CFHR3: variants seen among roughly 807,000 people sequenced by gnomAD.
CFHR3 encodes the protein complement factor H-related protein 3.
CFHR3 carries 22 observed loss-of-function variants against 36.0 expected under a neutral mutation model. The observed-to-expected ratio is 0.61, with a 90% CI of 0.44 to 0.87. The LOEUF (loss-of-function observed/expected upper bound fraction) is 0.87, where lower values mean the gene tolerates loss of function less well. CFHR3 is among the 40% of genes least tolerant of loss of function. The probability of loss-of-function intolerance (pLI) is 0.00; values close to 1 mark genes in which losing one functional copy is unlikely to be tolerated. For synonymous variants in CFHR3, 97 were observed against 137.4 expected (o/e 0.71, Z 2.06); for missense variants, 276 against 401.3 (o/e 0.69, Z 2.67).
intron 4 of CFHR3, chr1:196,789,161 C>A: frequency 1.0e-6 from 1 of 964,338 alleles, no homozygotes; most frequent in Non-Finnish European, 1.3e-6. Context: ...ATTTTTAACC[C>A]AAATACTGTT....
rs1188436765 is a variant in CFHR3, at chr1:196,785,436, T to G, written c.431-2780T>G. 2.2e-5 allele frequency among the ~76,000 whole-genome samples: 3 copies of G among 134,744 alleles called. 1 individual carries two copies. The highest frequency in any genetic ancestry group is 4.7e-5 in the Non-Finnish European group (3 of 64,172). 88.4% of individuals were successfully genotyped at this position (134,744 alleles called of 152,430 possible). On this transcript the variant is annotated intron_variant, in intron 3 of 5. Transcript: ENST00000367425. ...TTCCATTCTCCCCGTCACTTTCAGG[T>G]ACACCAATCAGATGTAGATTTGGTC...
chr1:196,781,155 A>T (rs1254211200), intron 3 of CFHR3, among the ~76,000 whole-genome samples: 1 of 134,646 alleles, frequency 7.4e-6, no homozygotes, highest in Non-Finnish European at 1.6e-5. Context: ...GGCTGCATAG[A>T]ATTCCATGGT....
In CFHR3 at chr1:196,793,514, G is replaced by C. The variant is rs148323895; in HGVS notation, c.*1G>C. 2.9e-4 allele frequency: 445 copies of C among 1,521,588 alleles called. 113 individuals carry two copies. In the African/African-American group the frequency reaches 6.8e-3, roughly 23 times the overall value. The allele number at this position is 1,521,588 out of a possible 1,614,324, so 94.3% of individuals were successfully genotyped here. Reference sequence around the variant, plus strand: ...AGTGGAATACCCCAGATGCGAATAAGGCAGCATTGTTACCCTAAATGTATG... The same window carrying C: ...AGTGGAATACCCCAGATGCGAATAACGCAGCATTGTTACCCTAAATGTATG... On this transcript the variant is annotated 3_prime_UTR_variant, in exon 6 of 6. Transcript: ENST00000367425.
chr1:196,791,409 C>T (rs142050510), intron 5 of CFHR3, among the ~76,000 whole-genome samples: 1,392 of 134,796 alleles, frequency 0.01, 365 homozygotes, highest in African/African-American at 0.042. Context: ...AGCCCTGGGA[C>T]ACCCATCAGT....
At chr1:196,789,641 A>C in intron 4 of CFHR3, 2 of 1,425,278 alleles carry the variant, frequency 1.4e-6, no homozygotes, top group Non-Finnish European at 1.9e-6. Context: ...AAAGCGGTTT[A>C]AGCTCCGTGA....
At position 196,795,139 on chromosome 1, in the gene CFHR3, C is replaced by G. The variant is rs989595662; in HGVS notation, c.*1626C>G. On this transcript the variant is annotated 3_prime_UTR_variant, in exon 6 of 6. Coordinates refer to ENST00000367425, the MANE Select transcript of CFHR3 (RefSeq NM_021023.6). ...TGGCTGTGTCCCACCCAATTTTCAC[C>G]TTGAATTATATAATCACCATGCATC... The G allele has an allele frequency of 2.5e-4, 34 of 137,096 alleles. 10 individuals carry two copies. The highest frequency in any genetic ancestry group is 8.5e-4 in the African/African-American group (28 of 32,930). 8.5% of individuals were successfully genotyped at this position (137,096 alleles called of 1,614,324 possible). A position where few individuals can be genotyped will look rare whatever the true frequency, so the allele number is the denominator to read the frequency against.
intron 1 of CFHR3, among the ~76,000 whole-genome samples, chr1:196,776,990 A>T (rs1391542795): frequency 7.4e-6 from 1 of 135,280 alleles, no homozygotes; most frequent in Non-Finnish European, 1.6e-5. Context: ...AGAATCTAGT[A>T]AATCGAATCA....
rs400642 is a variant in CFHR3, at chr1:196,788,128, C to T, written c.431-88C>T. 338,837 of 828,972 alleles carry T rather than the reference C, an allele frequency of 0.41. 99,944 individuals carry two copies. The highest frequency in any genetic ancestry group is 0.93 in the East Asian group (30,916 of 33,232). The allele number at this position is 828,972 out of a possible 1,614,324, so 51.4% of individuals were successfully genotyped here. On this transcript the variant is annotated intron_variant, in intron 3 of 5. Transcript: ENST00000367425. ...TTCATTAACAAATGTTTCATTGTTT[C>T]GCCATATTGCCATGTTTTTACTTGT...
intron 4 of CFHR3, 36 bp from the exon 5 acceptor site, chr1:196,790,009 T>C (rs2124863061): frequency 2.4e-6 from 3 of 1,252,698 alleles, no homozygotes; most frequent in Non-Finnish European, 3.2e-6. Context: ...AATAAGACTA[T>C]TGATTTTTCC....
chr1:196,782,919 G>A (rs1190895065), intron 3 of CFHR3, among the ~76,000 whole-genome samples: 2 of 137,240 alleles, frequency 1.5e-5, no homozygotes, highest in East Asian at 3.9e-4. Flanking sequence ...TGCCCATTCA[G>A]TATGATATTG....
Position 196,784,261 on chromosome 1 carries a change from G to GA in CFHR3, c.431-3948dup, listed in dbSNP as rs1255770040. ...TTTGGAATTGGTGTGGTGTGGTGCT[G>GA]AAAAAAATGTATATTCTGTCGATTT... On this transcript the variant is annotated intron_variant, in intron 3 of 5. Transcript: ENST00000367425. Among the ~76,000 whole-genome samples the GA allele has an allele frequency of 2.9e-5, 4 of 136,412 alleles. 1 individual carries two copies. Among genetic ancestry groups the GA allele is most frequent in the African/African-American group, 9.2e-5 (3 of 32,474 alleles). The allele number at this position is 136,412 out of a possible 152,430, so 89.5% of individuals were successfully genotyped here.
In CFHR3 at chr1:196,793,338, AAAACATG is replaced by A; in HGVS notation, c.821_827del (p.Asn274IlefsTer5). On this transcript the variant is annotated frameshift_variant, in exon 6 of 6. Coordinates refer to ENST00000367425, the MANE Select transcript of CFHR3 (RefSeq NM_021023.6). LOFTEE classifies it low-confidence loss of function (END_TRUNC). Reference sequence around the variant, plus strand: ...TCAGATCCATGTATAATAACTGAAGAAAACATGAATAAAAATAACATAAAGTTAAAAG... The same window carrying A: ...TCAGATCCATGTATAATAACTGAAGAAATAAAAATAACATAAAGTTAAAAG... 1 of 1,516,210 alleles carries A rather than the reference AAAACATG, an allele frequency of 6.6e-7. No individual in the cohort carries two copies. Among genetic ancestry groups the A allele is most frequent in the South Asian group, 1.2e-5 (1 of 80,112 alleles). 93.9% of individuals were successfully genotyped at this position (1,516,210 alleles called of 1,614,324 possible).
At position 196,781,588 on chromosome 1, in the gene CFHR3, C is replaced by A. The variant is rs1480171400; in HGVS notation, c.430+1615C>A. On this transcript the variant is annotated intron_variant, in intron 3 of 5. Coordinates refer to ENST00000367425, the MANE Select transcript of CFHR3 (RefSeq NM_021023.6). ...CATTTTTTCATGTGTTTTTTGGCTGCGTAAATGTCTTCTTTTGAGAAGCAT... is the reference window on the plus strand; with the variant it reads ...CATTTTTTCATGTGTTTTTTGGCTGAGTAAATGTCTTCTTTTGAGAAGCAT... 2.9e-5 allele frequency among the ~76,000 whole-genome samples: 4 copies of A among 136,974 alleles called. 1 individual carries two copies. The highest frequency in any genetic ancestry group is 1.2e-4 in the African/African-American group (4 of 32,666). The allele number at this position is 136,974 out of a possible 152,430, so 89.9% of individuals were successfully genotyped here.
At chr1:196,780,651 T>C (rs1442624547) in intron 3 of CFHR3, among the ~76,000 whole-genome samples, 1 of 136,682 alleles carries the variant, frequency 7.3e-6, no homozygotes, top group Admixed American at 7.0e-5. Context: ...ATTCTGAAGG[T>C]AAAATCTCTT....
In CFHR3 at chr1:196,790,738, TAATAAATAAATAAATA is replaced by T. The variant is rs199831934; in HGVS notation, c.796+542_796+557del. ...GACCCCATCTCCAAAAATAAAAAAA[TAATAAATAAATAAATA>T]AATAAATAAATAAATAAATAAATAA... On this transcript the variant is annotated intron_variant, in intron 5 of 5. Coordinates refer to ENST00000367425, the MANE Select transcript of CFHR3 (RefSeq NM_021023.6). Among the ~76,000 whole-genome samples, 195 of 106,242 alleles carry T rather than the reference TAATAAATAAATAAATA, an allele frequency of 1.8e-3. 19 individuals are homozygous for T. The highest frequency in any genetic ancestry group is 5.4e-3 in the Middle Eastern group (1 of 184). The allele number at this position is 106,242 out of a possible 152,430, so 69.7% of individuals were successfully genotyped here.
intron 4 of CFHR3, chr1:196,788,698 A>T (rs1370837317): frequency 6.9e-7 from 1 of 1,455,406 alleles, no homozygotes; most frequent in East Asian, 2.5e-5. Flanking sequence ...TTAGTTGCCA[A>T]TAAAAACTTT....
chr1:196,776,319 T>C (rs374268097), intron 1 of CFHR3, among the ~76,000 whole-genome samples: 1 of 137,334 alleles, frequency 7.3e-6, no homozygotes, highest in East Asian at 2.0e-4. Context: ...GTTGCACCTA[T>C]ATTTCTCAAA....
chr1:196,783,394 G>C (rs1360822414), intron 3 of CFHR3, among the ~76,000 whole-genome samples: 1 of 132,630 alleles, frequency 7.5e-6, no homozygotes, highest in Non-Finnish European at 1.6e-5. Context: ...GTTGCTCCTT[G>C]TACCTCTGGT....
rs755940131 is a variant in CFHR3 at position 196,777,876 on chromosome 1, A to G, written c.59-1286A>G. ...GCGGCACACACCTGCAATCCCAGCT[A>G]CTCAGGAGACTGAGGCAGGAGAATA... On this transcript the variant is annotated intron_variant, in intron 1 of 5. Transcript: ENST00000367425. Among the ~76,000 whole-genome samples, 114 of 129,650 alleles carry G rather than the reference A, an allele frequency of 8.8e-4. 18 individuals carry two copies. Among genetic ancestry groups the G allele is most frequent in the Non-Finnish European group, 1.6e-3 (101 of 62,596 alleles). 85.1% of individuals were successfully genotyped at this position (129,650 alleles called of 152,430 possible).
Sources: allele counts gnomAD v4.1 joint callset (sites outside exome capture counted in the v4.1 genomes callset), GRCh38; gene constraint gnomAD v4.1.1; transcripts MANE v1.5; gene names NCBI Gene and HGNC (gene_info 2026-07-23, HGNC 2026-07-21).